Variants in CSNK1D observed in about 807,000 individuals in gnomAD.
The protein encoded by CSNK1D is casein kinase I isoform delta.
In CSNK1D, 16 loss-of-function variants were observed where a neutral mutation model predicts 46.6. That is an observed-to-expected ratio of 0.34 (90% CI 0.23 to 0.52). The LOEUF (loss-of-function observed/expected upper bound fraction) is 0.52. Ranked by LOEUF, CSNK1D falls within the 20% of genes least tolerant of loss-of-function variation. The probability of loss-of-function intolerance (pLI) is 0.95; values close to 1 mark genes in which losing one functional copy is unlikely to be tolerated. For synonymous variants in CSNK1D, 276 were observed against 228.2 expected (o/e 1.21, Z -1.89); for missense variants, 398 against 578.4 (o/e 0.69, Z 3.20).
At position 82,244,915 on chromosome 17, in the gene CSNK1D, G is replaced by A. The variant is rs1228753007; in HGVS notation, c.1198-84C>T. Reference sequence around the variant, plus strand: ...GATACCACAGTGACGGTGCTGGGCAGGGAGGGGACGCACCGCCACCGCCTA... The same window carrying A: ...GATACCACAGTGACGGTGCTGGGCAAGGAGGGGACGCACCGCCACCGCCTA... On this transcript the variant is annotated intron_variant, in intron 8 of 8. Coordinates refer to ENST00000314028, the MANE Select transcript of CSNK1D (RefSeq NM_001893.6). 43 of 1,576,534 alleles carry A rather than the reference G, an allele frequency of 2.7e-5. No homozygotes were observed. In the Admixed American group the frequency reaches 6.1e-4, roughly 22 times the overall value.
In CSNK1D at chr17:82,242,729, C is replaced by T. The variant is rs943006466; in HGVS notation, c.*2052G>A. ...TTGTTAAAGTACACAAATACAGTGG[C>T]GATACAAACGCACAGCTCGGAGACT... On this transcript the variant is annotated 3_prime_UTR_variant, in exon 9 of 9. Transcript: ENST00000314028. 111 of 985,312 alleles carry T rather than the reference C, an allele frequency of 1.1e-4. No homozygotes were observed. The highest frequency in any genetic ancestry group is 5.2e-4 in the Middle Eastern group (1 of 1,936). 61.0% of individuals were successfully genotyped at this position (985,312 alleles called of 1,614,324 possible).
rs1402991866 is a variant in CSNK1D, at chr17:82,242,824, T to C, written c.*1957A>G. On this transcript the variant is annotated 3_prime_UTR_variant, in exon 9 of 9. Transcript: ENST00000314028. The stretch of plus-strand genomic sequence containing the variant: ...GCACGGGGCGACGGGGACTAGATAC[T>C]GGGCAAGGACTGTCACAAGCACTCC... The C allele has an allele frequency of 2.0e-6, 2 of 984,752 alleles. No individual in the cohort carries two copies. Among genetic ancestry groups the C allele is most frequent in the African/African-American group, 3.5e-5 (2 of 57,178 alleles). 61.0% of individuals were successfully genotyped at this position (984,752 alleles called of 1,614,324 possible). A position where few individuals can be genotyped will look rare whatever the true frequency, so the allele number is the denominator to read the frequency against.
At chr17:82,262,234 GGCC>G (rs1243814422) in intron 2 of CSNK1D, among the ~76,000 whole-genome samples, 9 of 152,234 alleles carry the variant, frequency 5.9e-5, no homozygotes, top group African/African-American at 1.9e-4. Flanking sequence ...CACGTAGGGT[GGCC>G]GCCATTTCCT....
rs2051010128 is a variant in CSNK1D, at chr17:82,251,578, A to G, written c.737-51T>C. ...ACTCATGAAACCCAACTGCGACTCA[A>G]GGTGTCTCTGCCAACGTCGCTGTCT... is the stretch of plus-strand genomic sequence containing the variant. On this transcript the variant is annotated intron_variant, in intron 5 of 8. Coordinates refer to ENST00000314028, the MANE Select transcript of CSNK1D (RefSeq NM_001893.6). This position sits in a 1 kb window ranked among gnomAD's most constrained non-coding sequence, Gnocchi z 4.5. 2.5e-6 allele frequency: 4 copies of G among 1,605,650 alleles called. No individual in the cohort carries two copies. The highest frequency in any genetic ancestry group is 3.4e-6 in the Non-Finnish European group (4 of 1,174,348).
At position 82,244,591 on chromosome 17, in the gene CSNK1D, AG is replaced by A; in HGVS notation, c.*189del. On this transcript the variant is annotated 3_prime_UTR_variant, in exon 9 of 9. Coordinates refer to ENST00000314028, the MANE Select transcript of CSNK1D (RefSeq NM_001893.6). ...ACGTGGGGGGCCGCAGTGCAGCCCC[AG>A]CGGTGGCAGCTCTTGGAGTCTGTCC... 6.6e-7 allele frequency: 1 copy of A among 1,513,128 alleles called. No individual in the cohort carries two copies. Among genetic ancestry groups the A allele is most frequent in the East Asian group, 2.5e-5 (1 of 40,506 alleles). The allele number at this position is 1,513,128 out of a possible 1,614,324, so 93.7% of individuals were successfully genotyped here.
intron 1 of CSNK1D, among the ~76,000 whole-genome samples, chr17:82,270,955 C>G (rs1418315800): frequency 6.6e-6 from 1 of 152,214 alleles, no homozygotes; most frequent in East Asian, 1.9e-4. Flanking sequence ...CAGCCTTCCA[C>G]CCTCCACCTC....
downstream of CSNK1D, chr17:82,242,651 G>A (rs2050757407): frequency 4.1e-6 from 4 of 985,088 alleles, no homozygotes; most frequent in Non-Finnish European, 4.8e-6. Flanking sequence ...AAGACCACAT[G>A]GAAAGGGGAG....
At chr17:82,264,828 C>T (rs1288865035) in intron 2 of CSNK1D, among the ~76,000 whole-genome samples, 4 of 144,010 alleles carry the variant, frequency 2.8e-5, no homozygotes, top group South Asian at 2.2e-4. Flanking sequence ...GACGGAGTCT[C>T]GCTCTTTCAT....
In CSNK1D at chr17:82,245,823, G is replaced by A. The variant is rs184093450; in HGVS notation, c.1198-992C>T. 5.6e-3 allele frequency among the ~76,000 whole-genome samples: 851 copies of A among 152,316 alleles called. 7 individuals are homozygous for A. Among genetic ancestry groups the A allele is most frequent in the African/African-American group, 0.018 (768 of 41,570 alleles). On this transcript the variant is annotated intron_variant, in intron 8 of 8. Transcript: ENST00000314028. ...CTGGGCAGCGGACTGCCGCCGCTCT[G>A]CACCCCACAAGAAGAACAGAGCAGA... is the stretch of plus-strand genomic sequence containing the variant.
At chr17:82,247,902 C>T (rs2050891897) in intron 8 of CSNK1D, 1 of 985,284 alleles carries the variant, frequency 1.0e-6, no homozygotes, top group Non-Finnish European at 1.2e-6. Context: ...GCAGTAAAAC[C>T]CCAATCATTA....
At chr17:82,266,928 T>C (rs1205006260) in intron 1 of CSNK1D, 4 of 152,030 alleles carry the variant, frequency 2.6e-5, no homozygotes, top group Admixed American at 2.6e-4. Flanking sequence ...GGCATGGTGG[T>C]GGGTACCTGT....
At chr17:82,247,844 A>C in intron 8 of CSNK1D, 1 of 985,490 alleles carries the variant, frequency 1.0e-6, no homozygotes, top group Non-Finnish European at 1.2e-6. Flanking sequence ...GGAAGAAGTT[A>C]TACAAAAAGG....
rs1004152699 is a variant in CSNK1D, at chr17:82,248,277, C to T, written c.1197+598G>A. The T allele has an allele frequency of 6.8e-5, 67 of 986,468 alleles. No individual in the cohort carries two copies. In the Middle Eastern group the frequency reaches 1.5e-3, roughly 23 times the overall value. 61.1% of individuals were successfully genotyped at this position (986,468 alleles called of 1,614,324 possible). A position where few individuals can be genotyped will look rare whatever the true frequency, so the allele number is the denominator to read the frequency against. ...ACGCAAAAGACAACAAAAGCCAGAG[C>T]GAGGAGAGGAGAGACCGCTGCAGGA... On this transcript the variant is annotated intron_variant, in intron 8 of 8. Coordinates refer to ENST00000314028, the MANE Select transcript of CSNK1D (RefSeq NM_001893.6). This position sits in a 1 kb window ranked among gnomAD's most constrained non-coding sequence, Gnocchi z 4.1.
At chr17:82,265,627 T>C in intron 2 of CSNK1D, 59 bp downstream of exon 2, 1 of 1,326,802 alleles carries the variant, frequency 7.5e-7, no homozygotes, top group Non-Finnish European at 1.1e-6. Context: ...AATGCTGAGT[T>C]GCTGTTCTCC....
At chr17:82,270,945 C>G (rs2051606428) in intron 1 of CSNK1D, among the ~76,000 whole-genome samples, 1 of 152,234 alleles carries the variant, frequency 6.6e-6, no homozygotes, top group African/African-American at 2.4e-5. Context: ...AGTGAGGAGA[C>G]AGCCTTCCAC....
chr17:82,252,955 G>A lies in CSNK1D; in HGVS notation c.565+61C>T, dbSNP rs189567680. Reference sequence around the variant, plus strand: ...CCCCGAGAGGCTGGCCTCTCCCTGGGCTGAGGCATGGACGCGCCCAAAGGC... The same window carrying A: ...CCCCGAGAGGCTGGCCTCTCCCTGGACTGAGGCATGGACGCGCCCAAAGGC... On this transcript the variant is annotated intron_variant, in intron 4 of 8. Transcript: ENST00000314028. The surrounding 1 kb of genome is among the most constrained non-coding windows in gnomAD (Gnocchi z 4.6). 1,044 of 1,471,340 alleles carry A rather than the reference G, an allele frequency of 7.1e-4. 9 individuals are homozygous for A. In the African/African-American group the frequency reaches 0.013, roughly 18 times the overall value. The allele number at this position is 1,471,340 out of a possible 1,614,324, so 91.1% of individuals were successfully genotyped here.
intron 2 of CSNK1D, among the ~76,000 whole-genome samples, chr17:82,260,393 CTGATGGTGTACTGAG>C (rs1489855664): frequency 6.8e-6 from 1 of 146,022 alleles, no homozygotes; most frequent in Non-Finnish European, 1.5e-5. Context: ...GGTGTACTGA[CTGATGGTGTACTGAG>C]TGATGTGACT....
intron 2 of CSNK1D, among the ~76,000 whole-genome samples, chr17:82,261,344 A>G (rs2051334778): frequency 6.6e-6 from 1 of 152,088 alleles, no homozygotes; most frequent in Non-Finnish European, 1.5e-5. Context: ...GCGGCCACTC[A>G]TGCTGCTATT....
chr17:82,253,136 CGAT>C lies in CSNK1D; in HGVS notation c.442_444del (p.Ile148del). On this transcript the variant is annotated inframe_deletion, in exon 4 of 9. Transcript: ENST00000314028. ...CGGTACTTCTTGGCCAGCCCGAAGT[CGAT>C]GATGTACACCAGGTTGCCCTTCTTC... 6.2e-7 allele frequency: 1 copy of C among 1,614,190 alleles called. No individual in the cohort carries two copies.
Sources: allele counts gnomAD v4.1 joint callset (sites outside exome capture counted in the v4.1 genomes callset), GRCh38; gene constraint gnomAD v4.1.1; non-coding constraint Gnocchi (gnomAD v3.1); transcripts MANE v1.5; gene names NCBI Gene and HGNC (gene_info 2026-07-23, HGNC 2026-07-21).